PTPRT: variants seen among roughly 807,000 people sequenced by gnomAD.
The protein encoded by PTPRT is protein tyrosine phosphatase receptor type T, also known as receptor-type tyrosine-protein phosphatase T.
Under a neutral mutation model 176.8 loss-of-function variants are expected in PTPRT, and 56 were observed. The ratio of observed to expected loss-of-function variants is 0.32; its 90% CI spans 0.26 to 0.40. The LOEUF (loss-of-function observed/expected upper bound fraction) is 0.40, where lower values mean the gene tolerates loss of function less well. Ranked by LOEUF, PTPRT falls within the 10% of genes least tolerant of loss-of-function variation. The pLI is 1.00. For missense variants in PTPRT, 1,540 were observed against 1,908.2 expected, an observed-to-expected ratio of 0.81 and a Z score of 3.60; for synonymous variants, 783 against 739.0, an observed-to-expected ratio of 1.06 and a Z score of -0.96.
intron 14 of PTPRT, among the ~76,000 whole-genome samples, chr20:42,236,677 T>C (rs976205991): frequency 1.3e-5 from 2 of 150,692 alleles, no homozygotes; most frequent in African/African-American, 4.9e-5. Context: ...AGTCTACCAC[T>C]CTTCCCTATG....
intron 1 of PTPRT, among the ~76,000 whole-genome samples, chr20:42,937,681 G>C (rs182725467): frequency 6.6e-6 from 1 of 152,320 alleles, no homozygotes; most frequent in African/African-American, 2.4e-5. Context: ...ATTTGACACT[G>C]ATGAGAAGAG....
At chr20:42,279,480 G>A (rs145653412) in intron 13 of PTPRT, among the ~76,000 whole-genome samples, 2,937 of 152,254 alleles carry the variant, frequency 0.019, 41 homozygotes, top group Non-Finnish European at 0.028. Context: ...AACAAGGTCT[G>A]CAGACACCTT....
At chr20:42,568,258 C>T (rs779764170) in intron 7 of PTPRT, among the ~76,000 whole-genome samples, 27 of 152,114 alleles carry the variant, frequency 1.8e-4, no homozygotes, top group African/African-American at 6.0e-4. Context: ...TGAGCCACCG[C>T]GCCCGGCTGA....
At chr20:42,286,631 T>G (rs146581672) in intron 12 of PTPRT, among the ~76,000 whole-genome samples, 5 of 151,792 alleles carry the variant, frequency 3.3e-5, no homozygotes, top group Admixed American at 3.3e-4. Context: ...ATAAAACTAC[T>G]AGAAGAAAAC....
chr20:42,117,302 A>T (rs983671266), intron 21 of PTPRT, among the ~76,000 whole-genome samples: 1 of 152,230 alleles, frequency 6.6e-6, no homozygotes. Flanking sequence ...TTACCCAAAC[A>T]AAAACTTACC....
intron 26 of PTPRT, among the ~76,000 whole-genome samples, chr20:42,100,002 C>T (rs1043576516): frequency 1.3e-5 from 2 of 152,224 alleles, no homozygotes; most frequent in Admixed American, 6.5e-5. Context: ...AGACTTGGGG[C>T]TCCAATCCTT....
chr20:43,138,340 G>A (rs907051975), intron 1 of PTPRT, among the ~76,000 whole-genome samples: 4 of 152,218 alleles, frequency 2.6e-5, no homozygotes, highest in Non-Finnish European at 4.4e-5. Context: ...TGGAACACCC[G>A]GGCTGCCGGC....
intron 7 of PTPRT, among the ~76,000 whole-genome samples, chr20:42,624,030 A>AAAAC (rs3063135): frequency 0.18 from 25,040 of 142,028 alleles, 3,264 homozygotes; most frequent in African/African-American, 0.35. Context: ...CAAACAAAAA[A>AAAAC]AAAAAACCCT....
intron 1 of PTPRT, among the ~76,000 whole-genome samples, chr20:42,965,783 A>G (rs2146049469): frequency 6.6e-6 from 1 of 152,342 alleles, no homozygotes; most frequent in East Asian, 1.9e-4. Flanking sequence ...TACATTTAAG[A>G]AATCCCAAAC....
chr20:42,953,215 C>T (rs1337223088), intron 1 of PTPRT, among the ~76,000 whole-genome samples: 2 of 152,172 alleles, frequency 1.3e-5, no homozygotes, highest in Non-Finnish European at 2.9e-5. Context: ...AGGGGCAAGG[C>T]TGCATAAAGG....
intron 7 of PTPRT, among the ~76,000 whole-genome samples, chr20:42,575,943 TATAA>T (rs2073252372): frequency 1.3e-5 from 2 of 152,118 alleles, no homozygotes; most frequent in Admixed American, 6.5e-5. Flanking sequence ...AGAGTGAGCA[TATAA>T]AATGCAGTTC....
At chr20:42,479,592 C>G (rs957732106) in intron 7 of PTPRT, among the ~76,000 whole-genome samples, 1 of 152,194 alleles carries the variant, frequency 6.6e-6, no homozygotes, top group African/African-American at 2.4e-5. Context: ...TTATTTTCCA[C>G]CACCTCTTCT....
chr20:42,094,600 T>C lies in PTPRT; in HGVS notation c.3846+3821A>G, dbSNP rs1984996863. ...ACCATGCCCAGTTCATTTAAAATTA[T>C]TTTGTAGGACTGGGTGCAGTGGCTC... On this transcript the variant is annotated intron_variant, in intron 27 of 30. Coordinates refer to ENST00000373187, the MANE Select transcript of PTPRT (RefSeq NM_007050.6). Among the ~76,000 whole-genome samples the C allele has an allele frequency of 2.0e-5, 3 of 152,084 alleles. No individual in the cohort carries two copies. The South Asian group carries it at 6.2e-4, about 32-fold the overall frequency.
intron 9 of PTPRT, among the ~76,000 whole-genome samples, chr20:42,395,899 T>C (rs539053509): frequency 1.3e-5 from 2 of 152,184 alleles, no homozygotes; most frequent in Admixed American, 1.3e-4. Flanking sequence ...AATCCAAGGG[T>C]CCCAAAGCTT....
At chr20:43,006,872 G>T (rs1319209866) in intron 1 of PTPRT, among the ~76,000 whole-genome samples, 1 of 152,126 alleles carries the variant, frequency 6.6e-6, no homozygotes, top group African/African-American at 2.4e-5. Context: ...GAACTGCGAG[G>T]CAGGGTATAG....
At chr20:42,267,393 A>G (rs1327214970) in intron 13 of PTPRT, among the ~76,000 whole-genome samples, 1 of 152,224 alleles carries the variant, frequency 6.6e-6, no homozygotes. Flanking sequence ...TAACCCCATC[A>G]TAAGTTGAGA....
chr20:42,915,730 T>A (rs2145941960), intron 1 of PTPRT, among the ~76,000 whole-genome samples: 1 of 152,270 alleles, frequency 6.6e-6, no homozygotes, highest in Middle Eastern at 3.4e-3. Context: ...TAGCTGGGAC[T>A]ACAGGAGCAC....
chr20:42,451,755 G>C (rs2070832896), intron 8 of PTPRT, among the ~76,000 whole-genome samples: 1 of 152,138 alleles, frequency 6.6e-6, no homozygotes, highest in South Asian at 2.1e-4. Flanking sequence ...CTGTCCTCAA[G>C]GTGACTCGTG....
intron 2 of PTPRT, among the ~76,000 whole-genome samples, chr20:42,868,373 G>A (rs4643600): frequency 6.6e-6 from 1 of 152,048 alleles, no homozygotes; most frequent in African/African-American, 2.4e-5. Context: ...AGATAGCCAA[G>A]AACTTGGCTG....
Sources: allele counts gnomAD v4.1 joint callset (sites outside exome capture counted in the v4.1 genomes callset), GRCh38; gene constraint gnomAD v4.1.1; transcripts MANE v1.5; gene names NCBI Gene and HGNC (gene_info 2026-07-23, HGNC 2026-07-21).